Variants in ATP2B2 observed in about 807,000 individuals in gnomAD.
ATP2B2 encodes the protein plasma membrane calcium-transporting ATPase 2.
Under a neutral mutation model 120.0 loss-of-function variants are expected in ATP2B2, and 15 were observed. The ratio of observed to expected loss-of-function variants is 0.12; its 90% CI spans 0.08 to 0.19. The LOEUF (loss-of-function observed/expected upper bound fraction) is 0.19. Among genes scored for constraint, ATP2B2 ranks in the 10% least tolerant of loss-of-function variants. The probability of loss-of-function intolerance (pLI) is 1.00; values close to 1 mark genes in which losing one functional copy is unlikely to be tolerated. For missense variants in ATP2B2, 1,045 were observed against 1,719.8 expected, an observed-to-expected ratio of 0.61 and a Z score of 6.94; for synonymous variants, 694 against 700.3, an observed-to-expected ratio of 0.99 and a Z score of 0.14.
intron 2 of ATP2B2, among the ~76,000 whole-genome samples, chr3:10,587,437 G>C (rs2068537295): frequency 6.8e-6 from 1 of 146,894 alleles, no homozygotes; most frequent in Non-Finnish European, 1.5e-5. Context: ...CACCCAGGCT[G>C]GAGTGCAGTG....
intron 5 of ATP2B2, among the ~76,000 whole-genome samples, chr3:10,393,745 T>A (rs1054236747): frequency 2.7e-5 from 2 of 74,562 alleles, no homozygotes; most frequent in Non-Finnish European, 2.6e-5. Context: ...GTCTGTCCTG[T>A]CCTGCCCAAG....
intron 21 of ATP2B2, among the ~76,000 whole-genome samples, chr3:10,339,415 C>T (rs1362604391): frequency 2.0e-5 from 3 of 152,312 alleles, no homozygotes; most frequent in African/African-American, 7.2e-5. Context: ...GTCCCACTGC[C>T]TGGATGTGTG....
chr3:10,610,021 C>T, intron 2 of ATP2B2, among the ~76,000 whole-genome samples: 1 of 151,794 alleles, frequency 6.6e-6, no homozygotes, highest in East Asian at 1.9e-4. Context: ...TTTGCTCCTT[C>T]CTGTTTCTCT....
chr3:10,440,907 G>T (rs2063642332), intron 2 of ATP2B2, among the ~76,000 whole-genome samples: 1 of 152,228 alleles, frequency 6.6e-6, no homozygotes. Flanking sequence ...TTTCACAGGG[G>T]TGATGTGAAG....
At chr3:10,506,635 C>T (rs1011806314), upstream of ATP2B2, among the ~76,000 whole-genome samples, 2 of 151,858 alleles carry the variant, frequency 1.3e-5, no homozygotes, top group Non-Finnish European at 2.9e-5. Context: ...CTCCACTGCC[C>T]TGCCCCCTCC....
chr3:10,618,064 C>T (rs931505995), intron 2 of ATP2B2, among the ~76,000 whole-genome samples: 3 of 152,230 alleles, frequency 2.0e-5, no homozygotes, highest in African/African-American at 7.2e-5. Flanking sequence ...CCCAAACATG[C>T]CGTGGCAGGG....
chr3:10,530,558 A>AG (rs1559442668), intron 3 of ATP2B2, among the ~76,000 whole-genome samples: 1 of 152,198 alleles, frequency 6.6e-6, no homozygotes, highest in Non-Finnish European at 1.5e-5. Context: ...CCTGAGTTTT[A>AG]GACTGGGGCA....
At chr3:10,511,290 G>A (rs1430399811) in intron 3 of ATP2B2, among the ~76,000 whole-genome samples, 3 of 152,086 alleles carry the variant, frequency 2.0e-5, no homozygotes, top group Non-Finnish European at 2.9e-5. Flanking sequence ...CATGCCCCAA[G>A]AAGAGTTTTT....
intron 1 of ATP2B2, among the ~76,000 whole-genome samples, chr3:10,623,076 T>TC (rs1491358177): frequency 1.0e-4 from 15 of 146,834 alleles, no homozygotes; most frequent in African/African-American, 1.6e-4. Flanking sequence ...TTTTTTTTTT[T>TC]CCCTGAGGAA....
intron 1 of ATP2B2, among the ~76,000 whole-genome samples, chr3:10,469,189 C>A (rs1257415993): frequency 6.6e-6 from 1 of 152,234 alleles, no homozygotes; most frequent in African/African-American, 2.4e-5. Context: ...ATGATAACAA[C>A]TGAATAAAAT....
chr3:10,448,140 G>A (rs530234053), intron 2 of ATP2B2, among the ~76,000 whole-genome samples: 1 of 152,320 alleles, frequency 6.6e-6, no homozygotes, highest in African/African-American at 2.4e-5. Flanking sequence ...GAGGAGACAG[G>A]CTCCTTTTCT....
At chr3:10,610,141 A>G (rs200838783) in intron 2 of ATP2B2, among the ~76,000 whole-genome samples, 7 of 72,872 alleles carry the variant, frequency 9.6e-5, no homozygotes, top group African/African-American at 1.2e-4. Context: ...ATATACATGT[A>G]TATATATATA....
rs932966758 is a variant in ATP2B2 at position 10,338,414 on chromosome 3, C to T, written c.3238-56G>A. 1.3e-5 allele frequency: 21 copies of T among 1,596,308 alleles called. No homozygotes were observed. In the Admixed American group the frequency reaches 3.2e-4, roughly 24 times the overall value. ...GGGCTGTCCTTCCCAGTGGCCTTCT[C>T]TCCCTGACACCCGCTCCTCTACCTC... is the stretch of plus-strand genomic sequence containing the variant. On this transcript the variant is annotated intron_variant, in intron 21 of 22. Transcript: ENST00000360273.
At chr3:10,444,507 T>G (rs919205258) in intron 2 of ATP2B2, among the ~76,000 whole-genome samples, 9 of 152,190 alleles carry the variant, frequency 5.9e-5, no homozygotes, top group African/African-American at 1.9e-4. Context: ...TCTCCTCCAC[T>G]TGGGCAGGCT....
chr3:10,416,830 A>G lies in ATP2B2; in HGVS notation c.200-6015T>C, dbSNP rs1211846596. Among the ~76,000 whole-genome samples, 3 of 152,064 alleles carry G rather than the reference A, an allele frequency of 2.0e-5. No homozygotes were observed. The East Asian group carries it at 5.8e-4, about 29-fold the overall frequency. On this transcript the variant is annotated intron_variant, in intron 2 of 22. Transcript: ENST00000360273. ...AAATGCAAACGGGGAGGGCAGAAAGATCACACAAAAGGCTGTGATTTCACA... is the reference window on the plus strand; with the variant it reads ...AAATGCAAACGGGGAGGGCAGAAAGGTCACACAAAAGGCTGTGATTTCACA...
intron 1 of ATP2B2, among the ~76,000 whole-genome samples, chr3:10,703,940 C>T (rs972875668): frequency 1.3e-5 from 2 of 152,228 alleles, no homozygotes; most frequent in Non-Finnish European, 2.9e-5. Flanking sequence ...GGAACAGCCA[C>T]TGTGTCCCAG....
intron 12 of ATP2B2, among the ~76,000 whole-genome samples, chr3:10,362,457 A>G (rs1394733279): frequency 6.6e-6 from 1 of 152,242 alleles, no homozygotes; most frequent in East Asian, 1.9e-4. Context: ...GCATAGGAAA[A>G]AAAAGAGCCT....
chr3:10,482,960 G>A (rs1450183444), intron 1 of ATP2B2, among the ~76,000 whole-genome samples: 1 of 152,206 alleles, frequency 6.6e-6, no homozygotes, highest in Non-Finnish European at 1.5e-5. Flanking sequence ...ACCAACCCGT[G>A]CAGCAGGCAC....
rs952894857 is a variant in ATP2B2 at position 10,530,604 on chromosome 3, C to T, written c.-320+3435G>A. On this transcript the variant is annotated intron_variant, in intron 3 of 21. Transcript: ENST00000646379. The stretch of plus-strand genomic sequence containing the variant: ...AGACAGGGCTCACGTTTTTTTCCTT[C>T]GTTCTCTCGTTGAAGAGAGCAGGAT... Among the ~76,000 whole-genome samples, 6 of 152,098 alleles carry T rather than the reference C, an allele frequency of 3.9e-5. No homozygotes were observed. The East Asian group carries it at 7.7e-4, about 20-fold the overall frequency.
Sources: gnomAD v4.1 joint callset for allele counts (sites outside exome capture counted in the v4.1 genomes callset) on GRCh38, gnomAD v4.1.1 for gene constraint, MANE v1.5 for transcripts, NCBI Gene and HGNC (gene_info 2026-07-23, HGNC 2026-07-21) for gene names.